Variants in NCKAP1L observed in about 807,000 individuals in gnomAD.
NCKAP1L encodes the protein nck-associated protein 1-like.
NCKAP1L carries 53 observed loss-of-function variants against 139.2 expected under a neutral mutation model. That is an observed-to-expected ratio of 0.38 (90% CI 0.31 to 0.48). The LOEUF (loss-of-function observed/expected upper bound fraction) is 0.48, where lower values mean the gene tolerates loss of function less well. Ranked by LOEUF, NCKAP1L falls within the 20% of genes least tolerant of loss-of-function variation. The pLI is 0.98. For missense variants in NCKAP1L, 1,151 were observed against 1,381.9 expected (o/e 0.83, Z 2.65); for synonymous variants, 468 against 499.7 (o/e 0.94, Z 0.85).
In NCKAP1L at chr12:54,528,449, G is replaced by A. The variant is rs1056130472; in HGVS notation, c.2506+72G>A. ...TCAATGCACAGAGAATAAAAGACTA[G>A]GACATGTATTTAGGTTGGTGCAAAA... On this transcript the variant is annotated intron_variant, in intron 22 of 30. Coordinates refer to ENST00000293373, the MANE Select transcript of NCKAP1L (RefSeq NM_005337.5). 4 of 1,543,136 alleles carry A rather than the reference G, an allele frequency of 2.6e-6. No individual in the cohort carries two copies. In the African/African-American group the frequency reaches 4.2e-5, roughly 16 times the overall value.
chr12:54,534,985 T>A, intron 26 of NCKAP1L, 119 bp from the exon 27 acceptor site: 1 of 666,840 alleles, frequency 1.5e-6, no homozygotes. Context: ...TACATATATA[T>A]AAAAGCATCT....
At chr12:54,508,770 T>C (rs1329763452) in intron 5 of NCKAP1L, among the ~76,000 whole-genome samples, 1 of 152,018 alleles carries the variant, frequency 6.6e-6, no homozygotes, top group East Asian at 1.9e-4. Context: ...GGATTGAAAA[T>C]GTAGTGTTCA....
rs1957072115 is a variant in NCKAP1L at position 54,531,572 on chromosome 12, C to T, written c.2686C>T (p.Pro896Ser). 4 of 1,614,044 alleles carry T rather than the reference C, an allele frequency of 2.5e-6. No individual in the cohort carries two copies. Among genetic ancestry groups the T allele is most frequent in the Non-Finnish European group, 3.4e-6 (4 of 1,179,938 alleles). The stretch of plus-strand genomic sequence containing the variant: ...GCCGGACTTGATGGCTTCCCTGCTG[C>T]CCCAGCTGACAGGTAAGCATCCTCT... Reference protein sequence around the residue: ...SKPDLMASLLPQLTGAENVLK... With the variant: ...SKPDLMASLLSQLTGAENVLK... The change falls in exon 24 of 31, where the codon CCC becomes TCC. Residue 896 changes from proline to serine, a missense_variant. Transcript: ENST00000293373.
intron 27 of NCKAP1L, among the ~76,000 whole-genome samples, chr12:54,535,620 A>C (rs1033534334): frequency 1.3e-5 from 2 of 152,062 alleles, no homozygotes; most frequent in African/African-American, 4.8e-5. Flanking sequence ...CCACATAATC[A>C]CCTTGACACT....
At chr12:54,535,059 T>G in intron 26 of NCKAP1L, 45 bp from the exon 27 acceptor site, 2 of 1,521,782 alleles carry the variant, frequency 1.3e-6, no homozygotes, top group Non-Finnish European at 9.0e-7. Context: ...GTCAAGCCAT[T>G]GTGTCCTGCG....
Position 54,517,742 on chromosome 12 carries a change from C to A in NCKAP1L, c.1206-64C>A. The A allele has an allele frequency of 3.1e-6, 5 of 1,603,608 alleles. No homozygotes were observed. In the South Asian group the frequency reaches 5.5e-5, roughly 18 times the overall value. On this transcript the variant is annotated intron_variant, in intron 12 of 30. Coordinates refer to ENST00000293373, the MANE Select transcript of NCKAP1L (RefSeq NM_005337.5). Reference sequence around the variant, plus strand: ...GGTCTCAATTTCTGCCCTGATATCACTGTGTTTGTCTCAGTTCATATTTCT... The same window carrying A: ...GGTCTCAATTTCTGCCCTGATATCAATGTGTTTGTCTCAGTTCATATTTCT...
intron 26 of NCKAP1L, 132 bp from the exon 27 acceptor site, chr12:54,534,972 C>A: frequency 1.7e-6 from 1 of 573,690 alleles, no homozygotes; most frequent in Non-Finnish European, 2.9e-6. Flanking sequence ...CTCTCTCTTT[C>A]TCTACATATA....
At chr12:54,534,563 A>G (rs149968778) in intron 26 of NCKAP1L, among the ~76,000 whole-genome samples, 1 of 152,276 alleles carries the variant, frequency 6.6e-6, no homozygotes, top group East Asian at 1.9e-4. Context: ...CTTTACAGAG[A>G]AGATGAGATC....
At chr12:54,502,136 T>C (rs1393156252) in intron 3 of NCKAP1L, among the ~76,000 whole-genome samples, 1 of 152,260 alleles carries the variant, frequency 6.6e-6, no homozygotes, top group Non-Finnish European at 1.5e-5. Context: ...GTATTCCTTA[T>C]GGAAAATTCT....
rs770090444 is a variant in NCKAP1L at position 54,528,313 on chromosome 12, C to T, written c.2442C>T (p.Ala814=). 1 of 1,614,000 alleles carries T rather than the reference C, an allele frequency of 6.2e-7. No individual in the cohort carries two copies. The highest frequency in any genetic ancestry group is 1.1e-5 in the South Asian group (1 of 91,078). The part of the protein sequence containing the change: ...GTIILSPAMQ[A]FVSLPREGEQ... ...TCATCCTCTCCCCAGCCATGCAGGC[C>T]TTCGTCAGCCTGCCCAGAGAAGGGG... The change falls in exon 22 of 31, where the codon GCC becomes GCT. Residue 814 remains alanine (A), a synonymous_variant. Coordinates refer to ENST00000293373, the MANE Select transcript of NCKAP1L (RefSeq NM_005337.5).
At chr12:54,519,137 CT>C (rs775101348) in intron 15 of NCKAP1L, 49 bp from the exon 16 acceptor site, 3 of 1,556,282 alleles carry the variant, frequency 1.9e-6, no homozygotes, top group Non-Finnish European at 2.6e-6. Flanking sequence ...GGCTGGGGGC[CT>C]TTTTCATTCA....
intron 30 of NCKAP1L, 59 bp downstream of exon 30, chr12:54,539,032 T>C: frequency 6.9e-7 from 1 of 1,443,104 alleles, no homozygotes; most frequent in Non-Finnish European, 9.7e-7. Context: ...GAGGGAGACT[T>C]CTGTTTAGGG....
chr12:54,511,780 C>T (rs754436307), intron 7 of NCKAP1L, 23 bp from the exon 8 acceptor site: 1 of 1,610,660 alleles, frequency 6.2e-7, no homozygotes, highest in South Asian at 1.1e-5. Context: ...AATAACTGAT[C>T]ATCTTTGCTT....
At position 54,497,774 on chromosome 12, in the gene NCKAP1L, T is replaced by G; in HGVS notation, c.-16T>G. On this transcript the variant is annotated 5_prime_UTR_variant, in exon 1 of 31. Coordinates refer to ENST00000293373, the MANE Select transcript of NCKAP1L (RefSeq NM_005337.5). ...ATCAGACATTGCTGTCTGGTGCTCC[T>G]CTCTCAGTGGCCATCATGTCTTTGA... 6.5e-7 allele frequency: 1 copy of G among 1,547,388 alleles called. No homozygotes were observed. Among genetic ancestry groups the G allele is most frequent in the Non-Finnish European group, 8.9e-7 (1 of 1,119,612 alleles).
At chr12:54,516,189 G>A (rs765331559) in intron 9 of NCKAP1L, 50 bp from the exon 10 acceptor site, 3 of 1,599,114 alleles carry the variant, frequency 1.9e-6, no homozygotes, top group Admixed American at 1.7e-5. Context: ...TGAGGCAAGG[G>A]CCCTAATGGG....
At position 54,512,081 on chromosome 12, in the gene NCKAP1L, A is replaced by C; in HGVS notation, c.917A>C (p.Glu306Ala). ...EDVLQVHKVT[E>A]DLFSSLKGYG... ...GTGCTGCAGGTGCACAAAGTCACCG[A>C]GGACCTGTTTAGCAGTTTGAAAGGG... is the stretch of plus-strand genomic sequence containing the variant. Residue 306 changes from glutamate to alanine, a missense_variant, in exon 9 of 31, where the codon GAG (glutamate) becomes GCG (alanine). Transcript: ENST00000293373. 1 of 1,614,180 alleles carries C rather than the reference A, an allele frequency of 6.2e-7. No homozygotes were observed. The highest frequency in any genetic ancestry group is 1.3e-5 in the African/African-American group (1 of 75,042).
At chr12:54,531,421 G>T in intron 23 of NCKAP1L, 64 bp downstream of exon 23, 3 of 1,604,954 alleles carry the variant, frequency 1.9e-6, no homozygotes, top group Non-Finnish European at 2.6e-6. Context: ...GGGTATAGGA[G>T]ACTGGGGGGG....
At position 54,522,207 on chromosome 12, in the gene NCKAP1L, A is replaced by C. The variant is rs922470982; in HGVS notation, c.1878+969A>C. Among the ~76,000 whole-genome samples the C allele has an allele frequency of 4.6e-5, 7 of 152,222 alleles. No homozygotes were observed. The South Asian group carries it at 1.5e-3, about 32-fold the overall frequency. On this transcript the variant is annotated intron_variant, in intron 18 of 30. Transcript: ENST00000293373. ...GGGAGTATAAATACATGTTTGAAAGAAATTTAAATAATTAATGCAAGAAGA... is the reference window on the plus strand; with the variant it reads ...GGGAGTATAAATACATGTTTGAAAGCAATTTAAATAATTAATGCAAGAAGA...
Position 54,542,704 on chromosome 12 carries a change from T to C in NCKAP1L, c.*19T>C. ...AAACTGAATGCCTGCCAGTACCCAC[T>C]GAAGAGCCCTTTGGACCTTCCTAAA... On this transcript the variant is annotated 3_prime_UTR_variant, in exon 31 of 31. Coordinates refer to ENST00000293373, the MANE Select transcript of NCKAP1L (RefSeq NM_005337.5). The C allele has an allele frequency of 6.3e-7, 1 of 1,575,064 alleles. No homozygotes were observed. The highest frequency in any genetic ancestry group is 1.7e-4 in the Middle Eastern group (1 of 5,978).
Sources: allele counts gnomAD v4.1 joint callset (sites outside exome capture counted in the v4.1 genomes callset), GRCh38; gene constraint gnomAD v4.1.1; transcripts MANE v1.5; gene names NCBI Gene and HGNC (gene_info 2026-07-23, HGNC 2026-07-21).